CATSPERG: variants seen among roughly 807,000 people sequenced by gnomAD.
CATSPERG encodes the protein catsper channel auxiliary subunit gamma, also known as cation channel sperm-associated auxiliary subunit gamma.
In CATSPERG, 115 loss-of-function variants were observed where a neutral mutation model predicts 145.0. The ratio of observed to expected loss-of-function variants is 0.79; its 90% confidence interval spans 0.68 to 0.93. The LOEUF (loss-of-function observed/expected upper bound fraction) is 0.93. CATSPERG is among the 40% of genes least tolerant of loss of function. CATSPERG has a pLI of 0.00. For synonymous variants in CATSPERG, 588 were observed against 589.0 expected (o/e 1.00, Z 0.02); for missense variants, 1,296 against 1,490.1 (o/e 0.87, Z 2.14).
intron 1 of CATSPERG, 54 bp from the exon 2 acceptor site, chr19:38,337,167 A>C (rs1969855100): frequency 1.3e-6 from 2 of 1,529,894 alleles, no homozygotes; most frequent in African/African-American, 1.4e-5. Flanking sequence ...GAATCTTAAA[A>C]GTGGGCTCCA....
chr19:38,362,085 G>A (rs1970357163), intron 17 of CATSPERG, 125 bp from the exon 18 acceptor site: 1 of 1,105,192 alleles, frequency 9.0e-7, no homozygotes, highest in Non-Finnish European at 1.3e-6. Context: ...ATGGGCTGGG[G>A]TGTGTATCTT....
chr19:38,368,114 G>A lies in CATSPERG; in HGVS notation c.2997G>A (p.Met999Ile). The A allele has an allele frequency of 1.2e-6, 2 of 1,614,136 alleles. No individual in the cohort carries two copies. Among genetic ancestry groups the A allele is most frequent in the Non-Finnish European group, 1.7e-6 (2 of 1,180,032 alleles). Residue 999 changes from methionine to isoleucine, a missense_variant, in exon 26 of 29, where the codon ATG (methionine) becomes ATA (isoleucine). Met to Ile is a conservative substitution (Grantham distance 10). Coordinates refer to ENST00000409235, the MANE Select transcript of CATSPERG (RefSeq NM_021185.5). ...RTTKDSAFHI[M>I]SHESPGIEWL... ...CCAAAGACTCAGCCTTTCACATCAT[G>A]TCCCACGAGAGCCCAGGCATCGAGT...
At chr19:38,366,508 A>C (rs1970451640) in intron 22 of CATSPERG, 1 of 152,410 alleles carries the variant, frequency 6.6e-6, no homozygotes, top group Non-Finnish European at 1.5e-5. Flanking sequence ...ATGGTATGTG[A>C]GCTGGCTCCT....
At chr19:38,339,395 T>C (rs1294613710) in intron 3 of CATSPERG, among the ~76,000 whole-genome samples, 1 of 152,140 alleles carries the variant, frequency 6.6e-6, no homozygotes, top group Non-Finnish European at 1.5e-5. Flanking sequence ...AGCTTGGTGT[T>C]CCAAAGGCCA....
intron 9 of CATSPERG, 96 bp downstream of exon 9, chr19:38,354,943 C>T (rs528452159): frequency 2.2e-4 from 310 of 1,421,608 alleles, no homozygotes; most frequent in Non-Finnish European, 2.9e-4. Context: ...TTACCATGTG[C>T]CCTGAGGAGG....
chr19:38,344,476 G>C, intron 6 of CATSPERG, 108 bp downstream of exon 6: 1 of 914,044 alleles, frequency 1.1e-6, no homozygotes, highest in Non-Finnish European at 1.8e-6. Context: ...CCAACTTCAT[G>C]CCAGGCCCCA....
intron 3 of CATSPERG, among the ~76,000 whole-genome samples, chr19:38,342,764 C>T (rs890247329): frequency 3.3e-5 from 5 of 152,036 alleles, no homozygotes; most frequent in Non-Finnish European, 7.4e-5. Flanking sequence ...CGCCTTCTCT[C>T]GGGGACGCCT....
chr19:38,370,473 G>A, intron 28 of CATSPERG, 53 bp from the exon 29 acceptor site: 1 of 1,607,252 alleles, frequency 6.2e-7, no homozygotes, highest in Non-Finnish European at 8.5e-7. Context: ...GCAGATTGTG[G>A]ACTGTGTACC....
chr19:38,359,686 C>G (rs1970310429), intron 14 of CATSPERG, 105 bp downstream of exon 14: 4 of 1,462,144 alleles, frequency 2.7e-6, no homozygotes, highest in East Asian at 2.6e-5. Context: ...AGGGGGCACC[C>G]TCGGGGACCC....
Position 38,352,433 on chromosome 19 carries a change from G to T in CATSPERG, c.997+1G>T, listed in dbSNP as rs779666820. On this transcript the variant is annotated splice_donor_variant, in intron 8 of 28. Coordinates refer to ENST00000409235, the MANE Select transcript of CATSPERG (RefSeq NM_021185.5). LOFTEE classifies it high-confidence loss of function. ...CTCTATGAGAGAAACCGCGGCAGTG[G>T]TGAGTGTGCTGTGGCTGGACCCACG... 11 of 1,551,718 alleles carry T rather than the reference G, an allele frequency of 7.1e-6. No homozygotes were observed. In the South Asian group the frequency reaches 1.3e-4, roughly 18 times the overall value.
intron 1 of CATSPERG, chr19:38,336,627 A>G (rs929456747): frequency 4.1e-6 from 1 of 242,024 alleles, no homozygotes; most frequent in Non-Finnish European, 8.4e-6. Flanking sequence ...CGGCGATACC[A>G]AGAGAAGTGC....
At chr19:38,348,755 G>T (rs1970085884) in intron 7 of CATSPERG, among the ~76,000 whole-genome samples, 2 of 152,084 alleles carry the variant, frequency 1.3e-5, no homozygotes, top group Non-Finnish European at 2.9e-5. Context: ...TTACAGGTGT[G>T]AGCCATCGCA....
At chr19:38,337,085 A>AGGGGCGGGGCCAGGAGCAAGAGCC in intron 1 of CATSPERG, 136 bp from the exon 2 acceptor site, 1 of 1,063,720 alleles carries the variant, frequency 9.4e-7, no homozygotes, top group Non-Finnish European at 1.3e-6. Context: ...GAGCAAGTGC[A>AGGGGCGGGGCCAGGAGCAAGAGCC]GGGGCGGGGC....
At chr19:38,367,096 C>T in intron 22 of CATSPERG, 60 bp from the exon 23 acceptor site, 3 of 1,499,138 alleles carry the variant, frequency 2.0e-6, no homozygotes, top group East Asian at 2.3e-5. Flanking sequence ...TGCCCCTTAC[C>T]CCTCCAGGGG....
intron 7 of CATSPERG, among the ~76,000 whole-genome samples, chr19:38,348,233 A>C (rs1459940440): frequency 6.6e-6 from 1 of 151,966 alleles, no homozygotes; most frequent in East Asian, 1.9e-4. Flanking sequence ...ATCATAGCTC[A>C]CTGCAGCCTC....
Position 38,352,316 on chromosome 19 carries a change from C to A in CATSPERG, c.881C>A (p.Thr294Lys). The part of the protein sequence containing the change: ...GSFYCPHSGF[T>K]ATIYDTIATE... Reference sequence around the variant, plus strand: ...TTCTACTGCCCCCATTCTGGCTTCACAGCCACCATCTATGACACTATTGCC... The same window carrying A: ...TTCTACTGCCCCCATTCTGGCTTCAAAGCCACCATCTATGACACTATTGCC... The change falls in exon 8 of 29, where the codon ACA becomes AAA. Residue 294 changes from threonine (T) to lysine (K), a missense_variant. Thr to Lys is a moderately conservative substitution (Grantham distance 78). Coordinates refer to ENST00000409235, the MANE Select transcript of CATSPERG (RefSeq NM_021185.5). The A allele has an allele frequency of 6.4e-7, 1 of 1,551,672 alleles. No individual in the cohort carries two copies. Among genetic ancestry groups the A allele is most frequent in the Non-Finnish European group, 8.7e-7 (1 of 1,147,096 alleles).
intron 26 of CATSPERG, among the ~76,000 whole-genome samples, chr19:38,368,416 G>A (rs1264462705): frequency 2.0e-5 from 3 of 152,172 alleles, no homozygotes; most frequent in Non-Finnish European, 4.4e-5. Context: ...GGCCTCTTGG[G>A]GCTCTCCCAT....
chr19:38,367,857 CA>C (rs1465445758), intron 25 of CATSPERG, 81 bp downstream of exon 25: 3 of 1,358,170 alleles, frequency 2.2e-6, no homozygotes, highest in Middle Eastern at 2.1e-4. Flanking sequence ...GCCCACCTCG[CA>C]AGCCCCCACC....
chr19:38,365,079 C>A lies in CATSPERG; in HGVS notation c.2575C>A (p.Leu859Ile), dbSNP rs1415943051. The change falls in exon 22 of 29, where the codon CTC becomes ATC. Residue 859 changes from leucine to isoleucine, a missense_variant. Transcript: ENST00000409235. ...CCCACAGGTGGTGGGTTCATCCGGG[C>A]TCTGCTTCCAGGAAACACACCTGGG... ...MTVNVVGSSG[L>I]CFQETHLGPH... 6.2e-7 allele frequency: 1 copy of A among 1,613,804 alleles called. No homozygotes were observed. The highest frequency in any genetic ancestry group is 1.3e-5 in the African/African-American group (1 of 74,892).
Sources: allele counts gnomAD v4.1 joint callset (sites outside exome capture counted in the v4.1 genomes callset), GRCh38; gene constraint gnomAD v4.1.1; transcripts MANE v1.5; gene names NCBI Gene and HGNC (gene_info 2026-07-23, HGNC 2026-07-21).